Variants in ANO4 observed in about 807,000 individuals in gnomAD.
The protein encoded by ANO4 is anoctamin-4.
In ANO4, 69 loss-of-function variants were observed where a neutral mutation model predicts 141.9. The ratio of observed to expected loss-of-function variants is 0.49; its 90% CI spans 0.40 to 0.59. The LOEUF is 0.59. Among genes scored for constraint, ANO4 ranks in the 20% least tolerant of loss-of-function variants. The pLI, the probability that ANO4 is intolerant of heterozygous loss-of-function variation, is 0.00. For synonymous variants in ANO4, 350 were observed against 394.3 expected, an observed-to-expected ratio of 0.89 and a Z score of 1.33; for missense variants, 894 against 1,162.2, an observed-to-expected ratio of 0.77 and a Z score of 3.36.
At chr12:101,099,782 C>T in intron 22 of ANO4, 62 bp downstream of exon 22, 3 of 1,351,796 alleles carry the variant, frequency 2.2e-6, no homozygotes, top group Non-Finnish European at 2.9e-6. Flanking sequence ...GTATATTCAA[C>T]TAAACATATA....
At chr12:101,028,995 C>T (rs118179057) in intron 9 of ANO4, among the ~76,000 whole-genome samples, 3,527 of 152,290 alleles carry the variant, frequency 0.023, 100 homozygotes, top group Admixed American at 0.077. Context: ...AGCAGAAACT[C>T]CACAAGTCAG....
chr12:100,825,394 T>C (rs2036276422), intron 1 of ANO4, among the ~76,000 whole-genome samples: 1 of 152,050 alleles, frequency 6.6e-6, no homozygotes. Flanking sequence ...AATTATTTCA[T>C]TTCTTGATAT....
intron 14 of ANO4, among the ~76,000 whole-genome samples, chr12:101,078,375 G>A (rs1221147240): frequency 1.3e-5 from 2 of 151,834 alleles, no homozygotes; most frequent in African/African-American, 4.8e-5. Flanking sequence ...CCCTGTATTT[G>A]CATTTTGCCT....
chr12:100,745,610 T>C (rs2032067407), intron 3 of ANO4, among the ~76,000 whole-genome samples: 1 of 152,014 alleles, frequency 6.6e-6, no homozygotes, highest in South Asian at 2.1e-4. Flanking sequence ...CCATTATCAG[T>C]ACAGAGATAT....
intron 3 of ANO4, among the ~76,000 whole-genome samples, chr12:100,923,074 A>G (rs919067444): frequency 6.6e-6 from 1 of 152,134 alleles, no homozygotes; most frequent in African/African-American, 2.4e-5. Flanking sequence ...GATGTGAAGA[A>G]CATTGTATAA....
intron 2 of ANO4, among the ~76,000 whole-genome samples, chr12:100,918,193 G>A (rs1437422369): frequency 6.6e-6 from 1 of 152,168 alleles, no homozygotes; most frequent in Non-Finnish European, 1.5e-5. Flanking sequence ...CAGGCATGGT[G>A]GTGCGCACCT....
chr12:100,827,710 A>T (rs954254385), intron 1 of ANO4, among the ~76,000 whole-genome samples: 4 of 151,968 alleles, frequency 2.6e-5, no homozygotes, highest in African/African-American at 9.7e-5. Flanking sequence ...TTAGATAATA[A>T]AAGCATTTTT....
intron 1 of ANO4, among the ~76,000 whole-genome samples, chr12:100,806,218 T>C (rs2035013713): frequency 6.6e-6 from 1 of 152,140 alleles, no homozygotes; most frequent in Admixed American, 6.5e-5. Context: ...TCACAGGGTA[T>C]GTGAGTTTAA....
intron 1 of ANO4, among the ~76,000 whole-genome samples, chr12:100,730,408 T>C (rs1419805675): frequency 6.6e-6 from 1 of 152,042 alleles, no homozygotes; most frequent in Non-Finnish European, 1.5e-5. Context: ...TTCAAAGAGG[T>C]TATGTGTAGC....
chr12:100,760,470 G>A (rs1216629646), intron 3 of ANO4, among the ~76,000 whole-genome samples: 1 of 152,178 alleles, frequency 6.6e-6, no homozygotes, highest in Non-Finnish European at 1.5e-5. Context: ...CTGGTCAGGA[G>A]TGCTGGATGT....
At chr12:100,811,286 C>T (rs1185368067) in intron 1 of ANO4, among the ~76,000 whole-genome samples, 4 of 152,046 alleles carry the variant, frequency 2.6e-5, no homozygotes, top group African/African-American at 9.7e-5. Flanking sequence ...TTTCTAAAGC[C>T]GAGATACTTT....
rs2046461366 is a variant in ANO4 at position 101,020,078 on chromosome 12, G to A, written c.779G>A (p.Arg260Lys). The change falls in exon 9 of 28, where the codon AGA (arginine) becomes AAA (lysine). Residue 260 changes from arginine (R) to lysine (K), a missense_variant. Arg to Lys is a conservative substitution (Grantham distance 26). Around this residue, in one of 2 missense-constraint regions of ANO4, gnomAD observed 637 missense variants for 909.2 expected, o/e 0.70. Coordinates refer to ENST00000392977, the MANE Select transcript of ANO4 (RefSeq NM_001286615.2). ...GAAACGTTCTTCAACAATGCCACAA[G>A]AAGTAGAATCGTGCATCACATTTTA... The part of the protein sequence containing the change: ...NKETFFNNAT[R>K]SRIVHHILQR... 1.9e-6 allele frequency: 3 copies of A among 1,613,512 alleles called. No homozygotes were observed. The highest frequency in any genetic ancestry group is 1.3e-5 in the African/African-American group (1 of 74,886).
At chr12:101,047,837 G>T (rs547098239) in intron 13 of ANO4, among the ~76,000 whole-genome samples, 1 of 152,250 alleles carries the variant, frequency 6.6e-6, no homozygotes, top group East Asian at 1.9e-4. Context: ...TTAGTTAATG[G>T]TTCTGCTCTT....
intron 7 of ANO4, among the ~76,000 whole-genome samples, chr12:100,981,406 G>A (rs577899649): frequency 1.3e-5 from 2 of 151,320 alleles, no homozygotes; most frequent in African/African-American, 4.9e-5. Flanking sequence ...CTGTAATGTA[G>A]AGCTGTGTGC....
At chr12:100,859,056 T>C (rs1344740106) in intron 1 of ANO4, 1 of 152,216 alleles carries the variant, frequency 6.6e-6, no homozygotes, top group African/African-American at 2.4e-5. Context: ...AATGGCACTT[T>C]CACATTACCA....
chr12:101,031,375 A>AAAT (rs2046966629), intron 9 of ANO4, among the ~76,000 whole-genome samples: 1 of 152,236 alleles, frequency 6.6e-6, no homozygotes, highest in Non-Finnish European at 1.5e-5. Flanking sequence ...GCCTTCAATA[A>AAAT]AATTCAACAG....
intron 1 of ANO4, among the ~76,000 whole-genome samples, chr12:100,824,528 A>T (rs2036224793): frequency 6.6e-6 from 1 of 152,080 alleles, no homozygotes; most frequent in South Asian, 2.1e-4. Context: ...TGGACTTAAG[A>T]TGACTTCCAG....
intron 10 of ANO4, 71 bp from the exon 11 acceptor site, chr12:101,039,880 CACTT>C (rs1158000128): frequency 6.7e-7 from 1 of 1,493,846 alleles, no homozygotes; most frequent in Non-Finnish European, 9.1e-7. Flanking sequence ...TGCTGTAAGA[CACTT>C]ACATTACCAT....
At chr12:100,992,095 A>G (rs1349109772) in intron 8 of ANO4, among the ~76,000 whole-genome samples, 1 of 152,214 alleles carries the variant, frequency 6.6e-6, no homozygotes, top group Non-Finnish European at 1.5e-5. Context: ...AGACTTTGTC[A>G]CTGTATTTCA....
Sources: allele counts gnomAD v4.1 joint callset (sites outside exome capture counted in the v4.1 genomes callset), GRCh38; gene constraint gnomAD v4.1.1; regional missense constraint gnomAD v4.1.1; transcripts MANE v1.5; gene names NCBI Gene and HGNC (gene_info 2026-07-23, HGNC 2026-07-21).